CAMTA2: variants seen among roughly 807,000 people sequenced by gnomAD.
CAMTA2 encodes calmodulin-binding transcription activator 2.
CAMTA2 carries 56 observed loss-of-function variants against 135.7 expected under a neutral mutation model. The ratio of observed to expected loss-of-function variants is 0.41; its 90% CI spans 0.33 to 0.52. The LOEUF is 0.52. Among genes scored for constraint, CAMTA2 ranks in the 20% least tolerant of loss-of-function variants. The pLI is 0.16. For synonymous variants in CAMTA2, 591 were observed against 604.6 expected (o/e 0.98, Z 0.33); for missense variants, 1,358 against 1,553.4 (o/e 0.87, Z 2.11).
At chr17:4,975,989 AAGT>A (rs1327494314) in intron 11 of CAMTA2, among the ~76,000 whole-genome samples, 3 of 152,168 alleles carry the variant, frequency 2.0e-5, no homozygotes, top group Admixed American at 6.5e-5. Flanking sequence ...TATCACTGAG[AAGT>A]AGTAGTATAG....
chr17:4,986,149 C>A, intron 2 of CAMTA2, 43 bp downstream of exon 2: 1 of 1,256,716 alleles, frequency 8.0e-7, no homozygotes, highest in South Asian at 1.2e-5. Context: ...GTGGGGAGAA[C>A]GAAAGGCTGT....
Position 4,969,336 on chromosome 17 carries a change from A to C in CAMTA2, c.3284T>G (p.Phe1095Cys). 3.1e-6 allele frequency: 5 copies of C among 1,613,612 alleles called. No homozygotes were observed. Among genetic ancestry groups the C allele is most frequent in the Non-Finnish European group, 4.2e-6 (5 of 1,179,730 alleles). ...YKQLTWIALK[F>C]ALYKKMTQAA... Reference sequence around the variant, plus strand: ...CTGGGTCATCTTCTTATAGAGTGCAAACTGCAGGGGTGGGGAGGAGGGACA... The same window carrying C: ...CTGGGTCATCTTCTTATAGAGTGCACACTGCAGGGGTGGGGAGGAGGGACA... Residue 1095 changes from phenylalanine to cysteine, a missense_variant and splice_region_variant, in exon 21 of 23, where the codon TTT (phenylalanine) becomes TGT (cysteine). Phe to Cys is a radical substitution (Grantham distance 205, BLOSUM62 -2). Transcript: ENST00000348066. This position sits in a 1 kb window ranked among gnomAD's most constrained non-coding sequence, Gnocchi z 5.6.
In CAMTA2 at chr17:4,982,744, C is replaced by CT. The variant is rs1326420192; in HGVS notation, c.339+12dup. The CT allele has an allele frequency of 2.5e-6, 4 of 1,613,636 alleles. No homozygotes were observed. Among genetic ancestry groups the CT allele is most frequent in the Admixed American group, 3.3e-5 (2 of 59,958 alleles). On this transcript the variant is annotated intron_variant, in intron 5 of 22. Coordinates refer to ENST00000348066, the MANE Select transcript of CAMTA2 (RefSeq NM_015099.4). ...AGGCTCGGGAAGATGAGCTGAATAT[C>CT]TGACTCTCTTACCTCCATGCCCTGG...
At chr17:4,983,152 T>C (rs1597775063) in intron 3 of CAMTA2, 109 bp from the exon 4 acceptor site, 3 of 907,912 alleles carry the variant, frequency 3.3e-6, no homozygotes, top group Non-Finnish European at 5.5e-6. Context: ...TGGCAGCTAG[T>C]GGAGGATGCT....
chr17:4,986,470 T>G (rs1341272601), intron 1 of CAMTA2, 184 bp from the exon 2 acceptor site: 2 of 574,212 alleles, frequency 3.5e-6, no homozygotes, highest in Non-Finnish European at 6.2e-6. Context: ...GGAGCCAATA[T>G]GAGTGAGCAG....
At chr17:4,978,389 T>G in intron 10 of CAMTA2, 115 bp downstream of exon 10, 1 of 1,153,348 alleles carries the variant, frequency 8.7e-7, no homozygotes, top group East Asian at 2.5e-5. Context: ...GATGAAGTCC[T>G]TGTGCTCTCA....
At position 4,969,838 on chromosome 17, in the gene CAMTA2, C is replaced by T; in HGVS notation, c.3189+64G>A. 2 of 1,598,838 alleles carry T rather than the reference C, an allele frequency of 1.3e-6. No individual in the cohort carries two copies. Among genetic ancestry groups the T allele is most frequent in the Non-Finnish European group, 1.7e-6 (2 of 1,168,440 alleles). The stretch of plus-strand genomic sequence containing the variant: ...GCACGACTACTCATCCTCCAAAAGC[C>T]CTGGGAGCCCAGTCTCCCCTGACTG... On this transcript the variant is annotated intron_variant, in intron 18 of 22. Transcript: ENST00000348066. This position sits in a 1 kb window ranked among gnomAD's most constrained non-coding sequence, Gnocchi z 5.6.
intron 16 of CAMTA2, 67 bp downstream of exon 16, chr17:4,972,165 A>G (rs757894364): frequency 2.7e-5 from 36 of 1,342,474 alleles, no homozygotes; most frequent in Admixed American, 1.0e-4. Flanking sequence ...ATTCTGCTTC[A>G]TGGAAGTCGG....
At chr17:4,973,328 G>T in intron 13 of CAMTA2, 75 bp from the exon 14 acceptor site, 3 of 1,185,572 alleles carry the variant, frequency 2.5e-6, no homozygotes, top group Admixed American at 3.4e-5. Context: ...CAGAAGTAAA[G>T]GCACTAGGAG....
chr17:4,984,398 T>A (rs1325966569), intron 3 of CAMTA2, among the ~76,000 whole-genome samples: 1 of 152,232 alleles, frequency 6.6e-6, no homozygotes, highest in East Asian at 1.9e-4. Context: ...AATAGTTACC[T>A]CCTGCATGTT....
In CAMTA2 at chr17:4,981,749, G is replaced by A. The variant is rs780497614; in HGVS notation, c.494C>T (p.Ser165Phe). The A allele has an allele frequency of 6.2e-7, 1 of 1,613,680 alleles. No individual in the cohort carries two copies. Among genetic ancestry groups the A allele is most frequent in the Non-Finnish European group, 8.5e-7 (1 of 1,179,804 alleles). Residue 165 changes from serine (S) to phenylalanine (F), a missense_variant, in exon 7 of 23, where the codon TCC becomes TTC. Ser to Phe is a radical substitution (Grantham distance 155). Transcript: ENST00000348066. ...CGKGCSPIFC[S>F]ISSDRREWLK... ...CCACTCTCGACGGTCGCTGCTGATG[G>A]AACAAAAGATGGGGCTGCAGCCCTT...
At chr17:4,983,377 G>A in intron 3 of CAMTA2, 1 of 223,460 alleles carries the variant, frequency 4.5e-6, no homozygotes, top group South Asian at 6.2e-5. Flanking sequence ...CTGCCTCCCG[G>A]GTTCAAGCAA....
intron 3 of CAMTA2, among the ~76,000 whole-genome samples, 175 bp downstream of exon 3, chr17:4,985,705 T>C (rs1973234934): frequency 6.6e-6 from 1 of 152,184 alleles, no homozygotes; most frequent in African/African-American, 2.4e-5. Flanking sequence ...ATTACAGGCA[T>C]GAGCCACCAT....
intron 11 of CAMTA2, among the ~76,000 whole-genome samples, chr17:4,975,941 CTA>C (rs1479309731): frequency 2.6e-5 from 4 of 152,202 alleles, no homozygotes; most frequent in African/African-American, 9.6e-5. Context: ...GTATGTGCCT[CTA>C]TGTTTGTGTT....
chr17:4,981,705 C>T lies in CAMTA2; in HGVS notation c.538G>A (p.Glu180Lys). ...RREWLKWSRE[E>K]LLGQLKPMFH... is the part of the protein sequence containing the mutation. ...ATGGGCTTCAGCTGTCCCAACAACT[C>T]CTCCCGGGACCACTTCAGCCACTCT... is the stretch of plus-strand genomic sequence containing the variant. The change falls in exon 7 of 23, where the codon GAG (glutamate) becomes AAG (lysine). Residue 180 changes from glutamate to lysine, a missense_variant. Glu to Lys is a moderately conservative substitution (Grantham distance 56). Transcript: ENST00000348066. 6.2e-7 allele frequency: 1 copy of T among 1,610,210 alleles called. No homozygotes were observed. Among genetic ancestry groups the T allele is most frequent in the South Asian group, 1.1e-5 (1 of 90,872 alleles).
Position 4,969,557 on chromosome 17 carries a change from C to T in CAMTA2, c.3262-37G>A, listed in dbSNP as rs1567681635. 2.5e-6 allele frequency: 4 copies of T among 1,614,148 alleles called. No individual in the cohort carries two copies. The East Asian group carries it at 6.7e-5, about 27-fold the overall frequency. On this transcript the variant is annotated intron_variant, in intron 19 of 22. Coordinates refer to ENST00000348066, the MANE Select transcript of CAMTA2 (RefSeq NM_015099.4). This position sits in a 1 kb window ranked among gnomAD's most constrained non-coding sequence, Gnocchi z 5.6. ...AGAAGGGGAGTTAGGGCTCTGGCAA[C>T]ATTCTGGAATGGTTAGGCGTGGGTG...
intron 5 of CAMTA2, 50 bp downstream of exon 5, chr17:4,982,707 G>A: frequency 6.2e-7 from 1 of 1,606,644 alleles, no homozygotes; most frequent in Non-Finnish European, 8.5e-7. Context: ...CCAGCTAAGG[G>A]TGGAGGAGGG....
chr17:4,973,120 G>A (rs1039081359), intron 14 of CAMTA2, 55 bp downstream of exon 14: 1 of 1,535,848 alleles, frequency 6.5e-7, no homozygotes, highest in Non-Finnish European at 8.9e-7. Context: ...TCCTTTTCAA[G>A]GGCTGTTCCC....
chr17:4,981,242 A>G lies in CAMTA2; in HGVS notation c.683T>C (p.Leu228Pro). The change falls in exon 8 of 23, where the codon CTC becomes CCC. Residue 228 changes from leucine (L) to proline (P), a missense_variant. Physicochemically the swap from Leu to Pro is moderately conservative, Grantham distance 98 (BLOSUM62 -3). This residue lies in a region of CAMTA2 where 1,077 missense variants were observed against 1,127.5 expected (regional missense o/e 0.96). Transcript: ENST00000348066. Reference sequence around the variant, plus strand: ...TAACTTACCAAGCCCCCCACTGCAGAGACAGGCGTGGGTTCGGGGAGCAGG... The same window carrying G: ...TAACTTACCAAGCCCCCCACTGCAGGGACAGGCGTGGGTTCGGGGAGCAGG... ...TKPAPRTHAC[L>P]CSGGLGSGSL... 1 of 1,613,890 alleles carries G rather than the reference A, an allele frequency of 6.2e-7. No homozygotes were observed.
Sources: allele counts gnomAD v4.1 joint callset (sites outside exome capture counted in the v4.1 genomes callset), GRCh38; gene constraint gnomAD v4.1.1; regional missense constraint gnomAD v4.1.1; non-coding constraint Gnocchi (gnomAD v3.1); transcripts MANE v1.5; gene names NCBI Gene and HGNC (gene_info 2026-07-23, HGNC 2026-07-21).